Variants in MYO10 observed in about 807,000 individuals in gnomAD.
The protein encoded by MYO10 is unconventional myosin-X.
In MYO10, 133 loss-of-function variants were observed where a neutral mutation model predicts 257.3. The observed-to-expected ratio is 0.52, with a 90% CI of 0.45 to 0.60. The LOEUF (loss-of-function observed/expected upper bound fraction) is 0.60. Among genes scored for constraint, MYO10 ranks in the 20% least tolerant of loss-of-function variants. MYO10 has a pLI of 0.00. For missense variants in MYO10, 2,399 were observed against 2,635.7 expected, an observed-to-expected ratio of 0.91 and a Z score of 1.97; for synonymous variants, 1,104 against 1,028.6, an observed-to-expected ratio of 1.07 and a Z score of -1.40.
intron 2 of MYO10, among the ~76,000 whole-genome samples, chr5:16,829,581 C>T (rs1743104154): frequency 6.6e-6 from 1 of 152,164 alleles, no homozygotes; most frequent in South Asian, 2.1e-4. Flanking sequence ...TGCTGGCAGA[C>T]CAGTCACTGA....
Position 16,769,150 on chromosome 5 carries a change from C to T in MYO10, c.984G>A (p.Arg328=), listed in dbSNP as rs978934420. The T allele has an allele frequency of 4.3e-6, 7 of 1,612,648 alleles. No homozygotes were observed. Among genetic ancestry groups the T allele is most frequent in the Non-Finnish European group, 5.9e-6 (7 of 1,179,500 alleles). Residue 328 remains arginine, a synonymous_variant, in exon 10 of 41, where the codon AGG becomes AGA. Transcript: ENST00000513610. Reference sequence around the variant, plus strand: ...CAAGATGCAGTATACCAGCAAGCAGCCTCGACACTTCCCGAACTTCCTCCT... The same window carrying T: ...CAAGATGCAGTATACCAGCAAGCAGTCTCGACACTTCCCGAACTTCCTCCT... ...FSKEEVREVS[R]LLAGILHLGN...
rs755275610 is a variant in MYO10 at position 16,701,867 on chromosome 5, A to C, written c.2557-29T>G. 1 of 1,558,762 alleles carries C rather than the reference A, an allele frequency of 6.4e-7. No homozygotes were observed. Among genetic ancestry groups the C allele is most frequent in the Admixed American group, 2.0e-5 (1 of 49,158 alleles). On this transcript the variant is annotated intron_variant, in intron 24 of 40. Coordinates refer to ENST00000513610, the MANE Select transcript of MYO10 (RefSeq NM_012334.3). The surrounding 1 kb of genome is among the most constrained non-coding windows in gnomAD (Gnocchi z 8.1). The stretch of plus-strand genomic sequence containing the variant: ...GACAGAAGCAGAAGGGAGATTTCAG[A>C]AGGCTTCAGTACAAAAGTCCAAGCA...
Position 16,707,690 on chromosome 5 carries a change from G to C in MYO10, c.2170-3005C>G, listed in dbSNP as rs537622641. Among the ~76,000 whole-genome samples, 13 of 152,224 alleles carry C rather than the reference G, an allele frequency of 8.5e-5. No homozygotes were observed. The South Asian group carries it at 2.5e-3, about 29-fold the overall frequency. On this transcript the variant is annotated intron_variant, in intron 21 of 40. Transcript: ENST00000513610. Reference sequence around the variant, plus strand: ...AAAAGCCAAAACCAGGAAGGAGAGGGACCAGCTGCCCACCTCAGTCACCGT... The same window carrying C: ...AAAAGCCAAAACCAGGAAGGAGAGGCACCAGCTGCCCACCTCAGTCACCGT...
At chr5:16,736,043 T>C (rs1739783440) in intron 19 of MYO10, among the ~76,000 whole-genome samples, 2 of 152,182 alleles carry the variant, frequency 1.3e-5, no homozygotes. Context: ...ATGTCTCAGA[T>C]ACGCGACTAC....
At chr5:16,816,658 G>A (rs1221997213) in intron 3 of MYO10, among the ~76,000 whole-genome samples, 2 of 151,474 alleles carry the variant, frequency 1.3e-5, no homozygotes, top group Admixed American at 6.6e-5. Context: ...AGGCTCCCGA[G>A]TAGCTGGGAT....
chr5:16,679,613 C>T (rs982439957), intron 33 of MYO10, among the ~76,000 whole-genome samples: 1 of 150,960 alleles, frequency 6.6e-6, no homozygotes, highest in East Asian at 2.0e-4. Flanking sequence ...CAACCTCTGC[C>T]TCGGAGGTTC....
chr5:16,763,128 T>C (rs536333957), intron 14 of MYO10, among the ~76,000 whole-genome samples: 2 of 152,284 alleles, frequency 1.3e-5, no homozygotes, highest in African/African-American at 4.8e-5. Flanking sequence ...TAAGTTCTTA[T>C]ATAAATCTTA....
rs1440821924 is a variant in MYO10 at position 16,781,739 on chromosome 5, C to G, written c.693G>C (p.Gln231His). ...TTCTCCCGCCCTGAATATTTCCTTT[C>G]TGACAGATGTTCAGCTGAACAAACT... The part of the protein sequence containing the change: ...FGKFVQLNIC[Q>H]KGNIQGGRIV... Residue 231 changes from glutamine (Q) to histidine (H), a missense_variant, in exon 6 of 41, where the codon CAG becomes CAC. This residue lies in a region of MYO10 where 337 missense variants were observed against 446.8 expected (regional missense o/e 0.75). Transcript: ENST00000513610. 1.2e-6 allele frequency: 2 copies of G among 1,613,824 alleles called. No homozygotes were observed. The highest frequency in any genetic ancestry group is 3.3e-5 in the Admixed American group (2 of 59,996).
intron 1 of MYO10, among the ~76,000 whole-genome samples, chr5:16,900,041 G>A (rs556133409): frequency 2.0e-5 from 3 of 148,516 alleles, no homozygotes; most frequent in Admixed American, 1.3e-4. Context: ...AACAGCTCTG[G>A]GAAACTTAGT....
At chr5:16,815,600 G>T in intron 3 of MYO10, 1 of 610,448 alleles carries the variant, frequency 1.6e-6, no homozygotes, top group East Asian at 2.8e-5. Context: ...AGTGTCCTTG[G>T]TTCCAGGAAG....
At chr5:16,702,277 T>C (rs1017640607) in intron 24 of MYO10, among the ~76,000 whole-genome samples, 3 of 152,234 alleles carry the variant, frequency 2.0e-5, no homozygotes, top group African/African-American at 7.2e-5. Context: ...GTCTGTGGTA[T>C]TTGGCTGTGG....
At chr5:16,922,097 C>G (rs1186825623) in intron 1 of MYO10, among the ~76,000 whole-genome samples, 1 of 151,912 alleles carries the variant, frequency 6.6e-6, no homozygotes, top group Non-Finnish European at 1.5e-5. Flanking sequence ...GCCTGTAATC[C>G]CAGCTACTCG....
chr5:16,753,353 G>C (rs1740435654), intron 19 of MYO10, among the ~76,000 whole-genome samples: 1 of 152,008 alleles, frequency 6.6e-6, no homozygotes, highest in African/African-American at 2.4e-5. Context: ...ATTTTTAGTA[G>C]AGACGTGGTT....
At chr5:16,823,541 GGCTCACTGCAAACTCC>G (rs1349821531) in intron 2 of MYO10, among the ~76,000 whole-genome samples, 9 of 129,846 alleles carry the variant, frequency 6.9e-5, no homozygotes, top group Non-Finnish European at 1.3e-4. Context: ...GCACAATCTC[GGCTCACTGCAAACTCC>G]GCCTCCAGGG....
Position 16,668,371 on chromosome 5 carries a change from A to C in MYO10, c.5981T>G (p.Phe1994Cys). 1 of 1,613,966 alleles carries C rather than the reference A, an allele frequency of 6.2e-7. No individual in the cohort carries two copies. The highest frequency in any genetic ancestry group is 8.5e-7 in the Non-Finnish European group (1 of 1,179,874). The change falls in exon 40 of 41, where the codon TTC becomes TGC. Residue 1994 changes from phenylalanine (F) to cysteine (C), a missense_variant. By Grantham distance (205) the Phe-to-Cys change is radical. Coordinates refer to ENST00000513610, the MANE Select transcript of MYO10 (RefSeq NM_012334.3). ...AAAAGAGAGGATGTGTTCATACTGG[A>C]AGACTTCCAGTGGTCTTCCCTCTCC... ...KRGEGRPLEVFQYEHILSFGA... is the reference protein window; with the variant it reads ...KRGEGRPLEVCQYEHILSFGA...
At chr5:16,788,899 G>A (rs60450696) in intron 4 of MYO10, among the ~76,000 whole-genome samples, 5,130 of 152,154 alleles carry the variant, frequency 0.034, 245 homozygotes, top group East Asian at 0.21. Flanking sequence ...TTTGAATAAC[G>A]TCAACAATCC....
intron 2 of MYO10, among the ~76,000 whole-genome samples, chr5:16,824,042 G>C (rs1209547274): frequency 6.6e-6 from 1 of 152,130 alleles, no homozygotes; most frequent in African/African-American, 2.4e-5. Flanking sequence ...AACTGGATTG[G>C]CGTGGGGGCA....
intron 1 of MYO10, among the ~76,000 whole-genome samples, chr5:16,896,730 C>G (rs922691354): frequency 6.6e-6 from 1 of 152,078 alleles, no homozygotes; most frequent in Non-Finnish European, 1.5e-5. Context: ...TCTTAGCAGC[C>G]CCCCCAGGAT....
At chr5:16,824,986 T>G (rs1742958381) in intron 2 of MYO10, among the ~76,000 whole-genome samples, 1 of 152,200 alleles carries the variant, frequency 6.6e-6, no homozygotes, top group South Asian at 2.1e-4. Flanking sequence ...ATTCATTCGT[T>G]TTTATTTGAC....
Sources: allele counts gnomAD v4.1 joint callset (sites outside exome capture counted in the v4.1 genomes callset), GRCh38; gene constraint gnomAD v4.1.1; regional missense constraint gnomAD v4.1.1; non-coding constraint Gnocchi (gnomAD v3.1); transcripts MANE v1.5; gene names NCBI Gene and HGNC (gene_info 2026-07-23, HGNC 2026-07-21).